Variants in SYT1 observed in about 807,000 individuals in gnomAD.
SYT1 encodes synaptotagmin-1.
SYT1 carries 8 observed loss-of-function variants against 44.8 expected under a neutral mutation model. The observed-to-expected ratio is 0.18, with a 90% confidence interval of 0.10 to 0.32. The LOEUF is 0.32. SYT1 is among the 10% of genes least tolerant of loss of function. The pLI is 1.00. For synonymous variants in SYT1, 154 were observed against 188.8 expected, an observed-to-expected ratio of 0.82 and a Z score of 1.51; for missense variants, 286 against 509.3, an observed-to-expected ratio of 0.56 and a Z score of 4.22.
At chr12:79,394,241 G>A (rs967786746) in intron 9 of SYT1, among the ~76,000 whole-genome samples, 8 of 152,254 alleles carry the variant, frequency 5.3e-5, no homozygotes, top group Middle Eastern at 3.4e-3. Flanking sequence ...GTATGTAGCC[G>A]GGTATTAACT....
At chr12:79,050,061 T>C (rs946286021) in intron 3 of SYT1, among the ~76,000 whole-genome samples, 4 of 152,074 alleles carry the variant, frequency 2.6e-5, no homozygotes, top group African/African-American at 9.7e-5. Context: ...GGTTAACTTT[T>C]AACTCCTCCA....
intron 1 of SYT1, among the ~76,000 whole-genome samples, chr12:78,933,096 A>C (rs1415581212): frequency 6.6e-6 from 1 of 152,114 alleles, no homozygotes; most frequent in East Asian, 1.9e-4. Context: ...TTTTTAACTT[A>C]CTCTTCTCGA....
chr12:79,240,826 T>C lies in SYT1; in HGVS notation c.166+23141T>C, dbSNP rs370232024. The stretch of plus-strand genomic sequence containing the variant: ...AATTATATATTGCAAGGTGTTGATA[T>C]TGTCTTTTATAAGAAATATGCATCT... On this transcript the variant is annotated intron_variant, in intron 4 of 10. Transcript: ENST00000261205. 5.9e-5 allele frequency among the ~76,000 whole-genome samples: 9 copies of C among 152,338 alleles called. No individual in the cohort carries two copies. In the East Asian group the frequency reaches 1.5e-3, roughly 26 times the overall value.
chr12:79,051,386 T>A (rs1490838112), intron 3 of SYT1, among the ~76,000 whole-genome samples: 2 of 149,950 alleles, frequency 1.3e-5, no homozygotes, highest in African/African-American at 4.9e-5. Context: ...AGGTATTTAT[T>A]TATTTATATT....
At chr12:78,987,982 T>G (rs1319681365) in intron 2 of SYT1, among the ~76,000 whole-genome samples, 1 of 152,108 alleles carries the variant, frequency 6.6e-6, no homozygotes, top group Non-Finnish European at 1.5e-5. Flanking sequence ...GTAATGGAAC[T>G]GTGGAGGGAT....
At chr12:79,033,382 G>T (rs981066639) in intron 2 of SYT1, among the ~76,000 whole-genome samples, 4 of 151,316 alleles carry the variant, frequency 2.6e-5, no homozygotes, top group African/African-American at 9.7e-5. Flanking sequence ...TTTGTTGAAT[G>T]CTGTCTATTT....
intron 4 of SYT1, among the ~76,000 whole-genome samples, chr12:79,265,860 T>C (rs748724031): frequency 5.3e-4 from 81 of 152,136 alleles, no homozygotes; most frequent in African/African-American, 1.9e-3. Flanking sequence ...ACTAATACAA[T>C]GTTAAGAGAA....
chr12:79,360,714 C>A (rs1292922001), intron 9 of SYT1, among the ~76,000 whole-genome samples: 1 of 152,094 alleles, frequency 6.6e-6, no homozygotes, highest in East Asian at 1.9e-4. Flanking sequence ...TAATTTTAGG[C>A]ATGAATGTTA....
In SYT1 at chr12:79,404,415, A is replaced by T. The variant is rs533953654; in HGVS notation, c.929-39658A>T. Among the ~76,000 whole-genome samples, 300 of 152,310 alleles carry T rather than the reference A, an allele frequency of 2.0e-3. 1 individual carries two copies. The highest frequency in any genetic ancestry group is 3.1e-3 in the Non-Finnish European group (208 of 68,026). ...TCACAAAAGTAGCATTTGCAAATAC[A>T]CCAGCATTAAACAAGCCTCTCCCCC... On this transcript the variant is annotated intron_variant, in intron 9 of 10. Coordinates refer to ENST00000261205, the MANE Select transcript of SYT1 (RefSeq NM_005639.3).
chr12:79,396,690 T>A (rs919483968), intron 9 of SYT1, among the ~76,000 whole-genome samples: 1 of 152,192 alleles, frequency 6.6e-6, no homozygotes, highest in Non-Finnish European at 1.5e-5. Context: ...TCAAATACTT[T>A]GTGTGACTTG....
chr12:79,166,693 A>G (rs1871241185), intron 3 of SYT1, among the ~76,000 whole-genome samples: 1 of 151,994 alleles, frequency 6.6e-6, no homozygotes, highest in Non-Finnish European at 1.5e-5. Flanking sequence ...GTATAAAAAT[A>G]CCTACCTCCC....
intron 3 of SYT1, among the ~76,000 whole-genome samples, chr12:79,204,144 A>G (rs574344747): frequency 1.9e-4 from 29 of 152,208 alleles, no homozygotes; most frequent in Non-Finnish European, 4.1e-4. Flanking sequence ...TGCCTGACTC[A>G]TGAGGTTTAT....
intron 4 of SYT1, among the ~76,000 whole-genome samples, chr12:79,271,226 T>A (rs1042111482): frequency 6.6e-6 from 1 of 152,220 alleles, no homozygotes; most frequent in African/African-American, 2.4e-5. Context: ...CATTTACTTT[T>A]AAAATATATA....
intron 9 of SYT1, among the ~76,000 whole-genome samples, chr12:79,424,982 A>G (rs1200720845): frequency 4.2e-5 from 3 of 72,238 alleles, no homozygotes; most frequent in African/African-American, 5.8e-5. Context: ...TGAGACATTT[A>G]ATTTGCACTT....
At chr12:79,310,883 T>G (rs1019475267) in intron 8 of SYT1, among the ~76,000 whole-genome samples, 1 of 152,220 alleles carries the variant, frequency 6.6e-6, no homozygotes, top group South Asian at 2.1e-4. Flanking sequence ...GAGACTTTGC[T>G]GAAGTTGCTT....
At chr12:79,314,047 T>C (rs962842102) in intron 8 of SYT1, among the ~76,000 whole-genome samples, 1 of 150,350 alleles carries the variant, frequency 6.7e-6, no homozygotes, top group African/African-American at 2.5e-5. Flanking sequence ...CGGGCGCCTG[T>C]AGTCCCAGCT....
chr12:79,351,179 C>G (rs996741398), intron 8 of SYT1, among the ~76,000 whole-genome samples: 3 of 152,148 alleles, frequency 2.0e-5, no homozygotes, highest in African/African-American at 7.2e-5. Context: ...CATCCCATAA[C>G]TTTAAAATTA....
At chr12:79,448,892 C>T (rs777075272) in intron 10 of SYT1, 26 bp from the exon 11 acceptor site, 11 of 1,609,282 alleles carry the variant, frequency 6.8e-6, no homozygotes, top group Non-Finnish European at 7.7e-6. Flanking sequence ...CTAGATGATT[C>T]ATATTCATTT....
intron 3 of SYT1, among the ~76,000 whole-genome samples, chr12:79,150,173 C>A (rs1352471662): frequency 3.3e-5 from 5 of 152,090 alleles, no homozygotes; most frequent in African/African-American, 4.8e-5. Context: ...AAAATCTACT[C>A]TTTTAACAAT....
Sources: allele counts gnomAD v4.1 joint callset (sites outside exome capture counted in the v4.1 genomes callset), GRCh38; gene constraint gnomAD v4.1.1; transcripts MANE v1.5; gene names NCBI Gene and HGNC (gene_info 2026-07-23, HGNC 2026-07-21).